EMILIN2: variants seen among roughly 807,000 people sequenced by gnomAD.
The protein encoded by EMILIN2 is EMILIN-2.
EMILIN2 carries 71 observed loss-of-function variants against 87.1 expected under a neutral mutation model. The observed-to-expected ratio is 0.82, with a 90% CI of 0.67 to 0.99. EMILIN2 has a LOEUF of 0.99. Ranked by LOEUF, EMILIN2 falls within the 50% of genes least tolerant of loss-of-function variation. EMILIN2 has a pLI of 0.00. For missense variants in EMILIN2, 1,407 were observed against 1,371.8 expected, an observed-to-expected ratio of 1.03 and a Z score of -0.40; for synonymous variants, 581 against 563.4, an observed-to-expected ratio of 1.03 and a Z score of -0.44.
rs1405929703 is a variant in EMILIN2, at chr18:2,906,988, A to G, written c.2565A>G (p.Ala855=). Residue 855 remains alanine (A), a synonymous_variant, in exon 5 of 8, where the codon GCA becomes GCG. Coordinates refer to ENST00000254528, the MANE Select transcript of EMILIN2 (RefSeq NM_032048.3). The part of the protein sequence containing the change: ...IAETGQAGPP[A]GAGVSGRGLP... ...AGACGGGCCAGGCCGGGCCCCCCGC[A>G]GGCGCAGGCGTGTCTGGGCGGGGTC... 99 of 1,375,856 alleles carry G rather than the reference A, an allele frequency of 7.2e-5. No individual in the cohort carries two copies. The East Asian group carries it at 3.0e-3, about 41-fold the overall frequency. The allele number at this position is 1,375,856 out of a possible 1,614,324, so 85.2% of individuals were successfully genotyped here. A position where few individuals can be genotyped will look rare whatever the true frequency, so the allele number is the denominator to read the frequency against.
intron 4 of EMILIN2, among the ~76,000 whole-genome samples, chr18:2,902,906 G>A (rs576794254): frequency 4.8e-4 from 73 of 152,156 alleles, no homozygotes; most frequent in African/African-American, 1.4e-3. Context: ...GAACAAGGGC[G>A]GATTTCAGAG....
intron 4 of EMILIN2, 26 bp downstream of exon 4, chr18:2,892,512 T>C (rs1408537403): frequency 1.3e-6 from 2 of 1,544,004 alleles, no homozygotes; most frequent in Admixed American, 3.9e-5. Flanking sequence ...CAATTCTATT[T>C]CTTGTATTTC....
In EMILIN2 at chr18:2,890,444, T is replaced by A. The variant is rs111889034; in HGVS notation, c.434-117T>A. On this transcript the variant is annotated intron_variant, in intron 3 of 7. Transcript: ENST00000254528. The surrounding 1 kb of genome is among the most constrained non-coding windows in gnomAD (Gnocchi z 4.7). ...ACCACAGTACTTACCTACAATTGTG[T>A]AGTGACCTGTAAGTGAAGATGTACA... The A allele has an allele frequency of 1.6e-6, 2 of 1,238,392 alleles. No individual in the cohort carries two copies. Among genetic ancestry groups the A allele is most frequent in the Non-Finnish European group, 2.2e-6 (2 of 895,214 alleles). 76.7% of individuals were successfully genotyped at this position (1,238,392 alleles called of 1,614,324 possible).
chr18:2,890,577 A>T lies in EMILIN2; in HGVS notation c.450A>T (p.Gln150His). The change falls in exon 4 of 8, where the codon CAA (glutamine) becomes CAT (histidine). Residue 150 changes from glutamine to histidine, a missense_variant. Physicochemically the swap from Gln to His is conservative, Grantham distance 24. Transcript: ENST00000254528. The surrounding 1 kb of genome is among the most constrained non-coding windows in gnomAD (Gnocchi z 4.7). ...TTGTAACAGATAATGAACCCAGCCA[A>T]TTCTCAGAGCCCAGGAAGACTTTGT... ...LKKATDNEPS[Q>H]FSEPRKTLSP... 2 of 1,574,024 alleles carry T rather than the reference A, an allele frequency of 1.3e-6. No homozygotes were observed. The highest frequency in any genetic ancestry group is 1.7e-6 in the Non-Finnish European group (2 of 1,156,206).
chr18:2,907,204 G>C lies in EMILIN2; in HGVS notation c.2662+119G>C, dbSNP rs909319817. 2.7e-6 allele frequency: 3 copies of C among 1,091,222 alleles called. No homozygotes were observed. In the East Asian group the frequency reaches 1.0e-4, roughly 36 times the overall value. The allele number at this position is 1,091,222 out of a possible 1,614,324, so 67.6% of individuals were successfully genotyped here. On this transcript the variant is annotated intron_variant, in intron 5 of 7. Coordinates refer to ENST00000254528, the MANE Select transcript of EMILIN2 (RefSeq NM_032048.3). Reference sequence around the variant, plus strand: ...TCCAGCCTTCGGGGGGGCAAGTTCCGAAATGCAGCTTTGGAAGGATGCCGA... The same window carrying C: ...TCCAGCCTTCGGGGGGGCAAGTTCCCAAATGCAGCTTTGGAAGGATGCCGA...
chr18:2,876,770 A>AAT (rs1454681134), intron 2 of EMILIN2, among the ~76,000 whole-genome samples: 432 of 152,088 alleles, frequency 2.8e-3, no homozygotes, highest in African/African-American at 9.5e-3. Flanking sequence ...TGTCTCAAAA[A>AAT]ATATATAGAT....
chr18:2,887,134 G>A (rs1252563448), intron 3 of EMILIN2, among the ~76,000 whole-genome samples: 1 of 152,062 alleles, frequency 6.6e-6, no homozygotes, highest in Non-Finnish European at 1.5e-5. Context: ...AGAAATCTAG[G>A]TCAGAAATCA....
chr18:2,869,776 GTGTGTGTGTT>G (rs1234215050), intron 2 of EMILIN2, among the ~76,000 whole-genome samples: 2,801 of 51,418 alleles, frequency 0.054, 85 homozygotes, highest in African/African-American at 0.14. Context: ...CTCTGTGTGT[GTGTGTGTGTT>G]TGTGTGTGTG....
In EMILIN2 at chr18:2,890,554, G is replaced by A. The variant is rs1468665820; in HGVS notation, c.434-7G>A. 5.8e-6 allele frequency: 9 copies of A among 1,546,104 alleles called. No individual in the cohort carries two copies. The highest frequency in any genetic ancestry group is 3.5e-4 in the Middle Eastern group (2 of 5,770). On this transcript the variant is annotated splice_polypyrimidine_tract_variant and splice_region_variant and intron_variant, in intron 3 of 7. Coordinates refer to ENST00000254528, the MANE Select transcript of EMILIN2 (RefSeq NM_032048.3). This position sits in a 1 kb window ranked among gnomAD's most constrained non-coding sequence, Gnocchi z 4.7. ...TTCATTCATGTCCAACTTTATCTTT[G>A]TAACAGATAATGAACCCAGCCAATT...
Position 2,915,075 on chromosome 18 carries a change from C to T in EMILIN2, c.*1671C>T, listed in dbSNP as rs2076960143. On this transcript the variant is annotated 3_prime_UTR_variant, in exon 8 of 8. Coordinates refer to ENST00000254528, the MANE Select transcript of EMILIN2 (RefSeq NM_032048.3). The stretch of plus-strand genomic sequence containing the variant: ...CCTTTTGAAAAGACCGCACTCGGCG[C>T]CCAAGGGGACGTGCTCAAGAGCTGC... 2 of 152,232 alleles carry T rather than the reference C, an allele frequency of 1.3e-5. No homozygotes were observed. Among genetic ancestry groups the T allele is most frequent in the African/African-American group, 2.4e-5 (1 of 41,426 alleles). 9.4% of individuals were successfully genotyped at this position (152,232 alleles called of 1,614,324 possible).
Position 2,896,477 on chromosome 18 carries a change from GA to G in EMILIN2, c.2359+3992del, listed in dbSNP as rs1474051782. ...AAGCATGAGACATTGCACCCGGTCA[GA>G]TATATATATATTTGAGACAGGATCT... On this transcript the variant is annotated intron_variant, in intron 4 of 7. Transcript: ENST00000254528. 4.6e-5 allele frequency among the ~76,000 whole-genome samples: 7 copies of G among 151,712 alleles called. No homozygotes were observed. The East Asian group carries it at 1.4e-3, about 30-fold the overall frequency.
intron 4 of EMILIN2, among the ~76,000 whole-genome samples, chr18:2,900,540 T>G (rs150686933): frequency 4.6e-5 from 7 of 152,318 alleles, no homozygotes; most frequent in Non-Finnish European, 1.0e-4. Context: ...TTCCAGGGAA[T>G]GCATGTTTGC....
chr18:2,892,812 G>A (rs1450569170), intron 4 of EMILIN2, among the ~76,000 whole-genome samples: 1 of 150,240 alleles, frequency 6.7e-6, no homozygotes, highest in Non-Finnish European at 1.5e-5. Flanking sequence ...AGCACTCTGG[G>A]AGTCAAAGGA....
chr18:2,865,103 T>C (rs2076679866), intron 2 of EMILIN2, among the ~76,000 whole-genome samples: 1 of 152,254 alleles, frequency 6.6e-6, no homozygotes, highest in East Asian at 1.9e-4. Context: ...TTTGTTATTC[T>C]AGTTAGCCAT....
At chr18:2,867,092 TTAGC>T (rs2076690224) in intron 2 of EMILIN2, among the ~76,000 whole-genome samples, 1 of 152,172 alleles carries the variant, frequency 6.6e-6, no homozygotes, top group Admixed American at 6.5e-5. Flanking sequence ...GTTGGTTTGG[TTAGC>T]TAGTATTTTG....
At chr18:2,907,263 C>A (rs902663728) in intron 5 of EMILIN2, among the ~76,000 whole-genome samples, 178 bp downstream of exon 5, 1 of 152,202 alleles carries the variant, frequency 6.6e-6, no homozygotes, top group East Asian at 1.9e-4. Flanking sequence ...GTCCAGCACA[C>A]GGAGGCCGGG....
rs1419672187 is a variant in EMILIN2 at position 2,864,122 on chromosome 18, A to C, written c.257+16191A>C. On this transcript the variant is annotated intron_variant, in intron 2 of 7. Coordinates refer to ENST00000254528, the MANE Select transcript of EMILIN2 (RefSeq NM_032048.3). Reference sequence around the variant, plus strand: ...TTTGAGTCTATGTGTGTCTCTGCACATGAGATGGGTTTCCTGAATACAGCA... The same window carrying C: ...TTTGAGTCTATGTGTGTCTCTGCACCTGAGATGGGTTTCCTGAATACAGCA... Among the ~76,000 whole-genome samples the C allele has an allele frequency of 2.0e-5, 3 of 152,176 alleles. No individual in the cohort carries two copies. In the East Asian group the frequency reaches 5.8e-4, roughly 29 times the overall value.
Position 2,891,337 on chromosome 18 carries a change from G to A in EMILIN2, c.1210G>A (p.Asp404Asn). 1 of 1,614,202 alleles carries A rather than the reference G, an allele frequency of 6.2e-7. No individual in the cohort carries two copies. The highest frequency in any genetic ancestry group is 1.1e-5 in the South Asian group (1 of 91,070). ...TTGCTGCGACAGTGAAAAGAATGGT[G>A]ACATTGGTCAACAGATCAAGACATT... The part of the protein sequence containing the change: ...ANCCDSEKNG[D>N]IGQQIKTLDQ... Residue 404 changes from aspartate to asparagine, a missense_variant, in exon 4 of 8, where the codon GAC becomes AAC. Physicochemically the swap from Asp to Asn is conservative, Grantham distance 23. Coordinates refer to ENST00000254528, the MANE Select transcript of EMILIN2 (RefSeq NM_032048.3). This position sits in a 1 kb window ranked among gnomAD's most constrained non-coding sequence, Gnocchi z 4.6.
intron 2 of EMILIN2, among the ~76,000 whole-genome samples, chr18:2,852,322 G>A (rs1287229638): frequency 6.6e-6 from 1 of 152,128 alleles, no homozygotes; most frequent in African/African-American, 2.4e-5. Context: ...TTAGAGAGGC[G>A]AGAGTTATCG....
Sources: gnomAD v4.1 joint callset for allele counts (sites outside exome capture counted in the v4.1 genomes callset) on GRCh38, gnomAD v4.1.1 for gene constraint, Gnocchi (gnomAD v3.1) non-coding constraint, MANE v1.5 for transcripts, NCBI Gene and HGNC (gene_info 2026-07-23, HGNC 2026-07-21) for gene names.